AP4M1: variants seen among roughly 807,000 people sequenced by gnomAD.
The protein encoded by AP4M1 is adaptor related protein complex 4 subunit mu 1.
In AP4M1, 58 loss-of-function variants were observed where a neutral mutation model predicts 62.4. That is an observed-to-expected ratio of 0.93 (90% confidence interval 0.75 to 1.16). The LOEUF (loss-of-function observed/expected upper bound fraction) is 1.16. Ranked by LOEUF, AP4M1 falls within the 50% of genes most tolerant of loss-of-function variation. The pLI is 0.00. For synonymous variants in AP4M1, 290 were observed against 239.7 expected (o/e 1.21, Z -1.94); for missense variants, 626 against 585.4 (o/e 1.07, Z -0.72).
rs1470323656 is a variant in AP4M1 at position 100,108,114 on chromosome 7, T to C, written c.*1232T>C. On this transcript the variant is annotated 3_prime_UTR_variant, in exon 15 of 15. Transcript: ENST00000359593. ...TGTGGGGCCTGCGAGAGGGTCAGCG[T>C]GGGCCGGGGCTGCGGGGAGAAGAGG... The C allele has an allele frequency of 1.2e-6, 2 of 1,601,256 alleles. No homozygotes were observed.
chr7:100,103,570 G>A (rs1442622480), intron 5 of AP4M1, 42 bp from the exon 6 acceptor site: 1 of 1,613,948 alleles, frequency 6.2e-7, no homozygotes, highest in Non-Finnish European at 8.5e-7. Flanking sequence ...GGTTGGCTGG[G>A]GTTGTCAGAC....
chr7:100,107,618 C>T lies in AP4M1; in HGVS notation c.*736C>T. ...AGCCGGGGGCCGAGGTGCTGAGGGA[C>T]AGGACCTGGATAGAAAGGAAAGGCA... On this transcript the variant is annotated 3_prime_UTR_variant, in exon 15 of 15. Transcript: ENST00000359593. 6.2e-7 allele frequency: 1 copy of T among 1,612,626 alleles called. No individual in the cohort carries two copies. The highest frequency in any genetic ancestry group is 8.5e-7 in the Non-Finnish European group (1 of 1,179,622).
chr7:100,101,151 C>T (rs1043239866), upstream of AP4M1: 2 of 1,356,614 alleles, frequency 1.5e-6, no homozygotes, highest in South Asian at 1.2e-5. Flanking sequence ...CCTCTGGCCT[C>T]GCGCACCCCA....
Position 100,106,005 on chromosome 7 carries a change from T to C in AP4M1, c.974+2T>C. 1 of 1,613,924 alleles carries C rather than the reference T, an allele frequency of 6.2e-7. No homozygotes were observed. Among genetic ancestry groups the C allele is most frequent in the Non-Finnish European group, 8.5e-7 (1 of 1,179,986 alleles). On this transcript the variant is annotated splice_donor_variant, in intron 12 of 14. Transcript: ENST00000359593. LOFTEE classifies it high-confidence loss of function. ...GCGATGTGACCTGCTCTCAAAGAGG[T>C]AAGAGTGAGGCTGGCCTGGCTGAGT...
Position 100,108,332 on chromosome 7 carries a change from TTCCTCCTATTCC to T in AP4M1, c.*1457_*1468del. On this transcript the variant is annotated 3_prime_UTR_variant, in exon 15 of 15. Transcript: ENST00000359593. ...GTCCCACACAGGGGTTCTCCTCTGC[TTCCTCCTATTCC>T]TCCTCCCCACCCGGCCACGGACCTG... The T allele has an allele frequency of 2.5e-6, 4 of 1,572,398 alleles. No individual in the cohort carries two copies. The South Asian group carries it at 4.6e-5, about 18-fold the overall frequency.
rs2116709905 is a variant in AP4M1, at chr7:100,108,255, G to A, written c.*1373G>A. ...GCTGGGGCATCCTCACTCAGGGCCT[G>A]GTTGCCCTGAGACTACTGACTGAGG... On this transcript the variant is annotated 3_prime_UTR_variant, in exon 15 of 15. Transcript: ENST00000359593. 6.9e-7 allele frequency: 1 copy of A among 1,455,990 alleles called. No individual in the cohort carries two copies. The highest frequency in any genetic ancestry group is 9.1e-7 in the Non-Finnish European group (1 of 1,095,342). The allele number at this position is 1,455,990 out of a possible 1,614,324, so 90.2% of individuals were successfully genotyped here. A position where few individuals can be genotyped will look rare whatever the true frequency, so the allele number is the denominator to read the frequency against.
intron 7 of AP4M1, 87 bp downstream of exon 7, chr7:100,104,241 G>C: frequency 1.8e-6 from 2 of 1,121,938 alleles, no homozygotes; most frequent in Non-Finnish European, 2.7e-6. Context: ...GCAACGGCCG[G>C]GCACAGTGGC....
chr7:100,103,830 C>A, intron 6 of AP4M1, 138 bp downstream of exon 6: 1 of 911,972 alleles, frequency 1.1e-6, no homozygotes, highest in Non-Finnish European at 1.7e-6. Context: ...TCACCTGATG[C>A]CAGGAGTTTC....
chr7:100,106,167 TTA>T, intron 12 of AP4M1, 72 bp from the exon 13 acceptor site: 1 of 1,584,712 alleles, frequency 6.3e-7, no homozygotes, highest in Non-Finnish European at 8.7e-7. Context: ...TGAAATCCTG[TTA>T]TGACATTGAA....
Position 100,106,963 on chromosome 7 carries a change from C to T in AP4M1, c.*81C>T. On this transcript the variant is annotated 3_prime_UTR_variant, in exon 15 of 15. Coordinates refer to ENST00000359593, the MANE Select transcript of AP4M1 (RefSeq NM_004722.4). ...AGTCGTTTCTTTTCCAGCCTCCTGG[C>T]CTTCGGACTCTGAATCTGGGCAGGA... is the stretch of plus-strand genomic sequence containing the variant. 3.4e-6 allele frequency: 5 copies of T among 1,465,704 alleles called. No individual in the cohort carries two copies. The highest frequency in any genetic ancestry group is 4.6e-6 in the Non-Finnish European group (5 of 1,080,142). The allele number at this position is 1,465,704 out of a possible 1,614,324, so 90.8% of individuals were successfully genotyped here. A position where few individuals can be genotyped will look rare whatever the true frequency, so the allele number is the denominator to read the frequency against.
intron 4 of AP4M1, 77 bp downstream of exon 4, chr7:100,103,037 C>A: frequency 8.7e-7 from 1 of 1,154,818 alleles, no homozygotes; most frequent in Non-Finnish European, 1.3e-6. Flanking sequence ...CTGTGGGATG[C>A]CGTGGTTAGG....
At chr7:100,101,616 C>T (rs1039086320), upstream of AP4M1, 3 of 1,274,326 alleles carry the variant, frequency 2.4e-6, no homozygotes, top group Non-Finnish European at 3.4e-6. Flanking sequence ...AGGAGAATCG[C>T]TCTTAAAGGG....
rs751121816 is a variant in AP4M1, at chr7:100,101,679, C to T, written c.-36C>T. On this transcript the variant is annotated 5_prime_UTR_variant, in exon 1 of 15. Coordinates refer to ENST00000359593, the MANE Select transcript of AP4M1 (RefSeq NM_004722.4). ...GGGCCGCAGGGCGGGGCAGGCCCGA[C>T]TTTCGCCGTCTTCTTGTCTACTCTC... 1 of 1,599,242 alleles carries T rather than the reference C, an allele frequency of 6.3e-7. No individual in the cohort carries two copies. Among genetic ancestry groups the T allele is most frequent in the East Asian group, 2.2e-5 (1 of 44,804 alleles).
intron 12 of AP4M1, 66 bp downstream of exon 12, chr7:100,106,069 C>T: frequency 6.3e-7 from 1 of 1,587,080 alleles, no homozygotes; most frequent in Non-Finnish European, 8.7e-7. Flanking sequence ...AGGGCACCTG[C>T]TGCTTCTCCC....
At position 100,101,957 on chromosome 7, in the gene AP4M1, C is replaced by G. The variant is rs757747386; in HGVS notation, c.136C>G (p.Pro46Ala). The G allele has an allele frequency of 8.1e-5, 131 of 1,613,136 alleles. No individual in the cohort carries two copies. Among genetic ancestry groups the G allele is most frequent in the Non-Finnish European group, 1.0e-4 (122 of 1,179,960 alleles). ...GACGGGACTGCCAGGAGACGAGTCC[C>G]CGGTTGTCATGGTAACCAGTGGCGG... The part of the protein sequence containing the change: ...KLTGLPGDES[P>A]VVMHHHGRHF... The change falls in exon 2 of 15, where the codon CCG (proline) becomes GCG (alanine). Residue 46 changes from proline to alanine, a missense_variant. Coordinates refer to ENST00000359593, the MANE Select transcript of AP4M1 (RefSeq NM_004722.4).
Position 100,107,743 on chromosome 7 carries a change from A to AACTC in AP4M1, c.*861_*862insACTC. On this transcript the variant is annotated 3_prime_UTR_variant, in exon 15 of 15. Coordinates refer to ENST00000359593, the MANE Select transcript of AP4M1 (RefSeq NM_004722.4). ...GTTGTTCCTGTAGTTCACCCTGTAG[A>AACTC]CAGCTATGGCTGGAGACCTTGTTCA... The AACTC allele has an allele frequency of 6.8e-7, 1 of 1,461,670 alleles. No homozygotes were observed. The highest frequency in any genetic ancestry group is 2.5e-5 in the Admixed American group (1 of 39,316). 90.5% of individuals were successfully genotyped at this position (1,461,670 alleles called of 1,614,324 possible).
rs1161435126 is a variant in AP4M1, at chr7:100,102,793, T to G, written c.254+12T>G. 1 of 1,613,326 alleles carries G rather than the reference T, an allele frequency of 6.2e-7. No homozygotes were observed. Among genetic ancestry groups the G allele is most frequent in the Non-Finnish European group, 8.5e-7 (1 of 1,179,288 alleles). On this transcript the variant is annotated intron_variant, in intron 3 of 14. Coordinates refer to ENST00000359593, the MANE Select transcript of AP4M1 (RefSeq NM_004722.4). ...GAACTGCTCTCCAGGTGAGGAGGGT[T>G]GGGCTGGGCACCTGGTAGCTAGGAG...
intron 2 of AP4M1, chr7:100,102,340 G>T (rs1221948133): frequency 3.9e-6 from 2 of 509,098 alleles, no homozygotes; most frequent in South Asian, 4.0e-5. Context: ...GCAGTGAGCC[G>T]AGATCCGGAC....
rs200567804 is a variant in AP4M1 at position 100,101,967 on chromosome 7, T to A, written c.146T>A (p.Met49Lys). 15 of 1,612,946 alleles carry A rather than the reference T, an allele frequency of 9.3e-6. No individual in the cohort carries two copies. Among genetic ancestry groups the A allele is most frequent in the Non-Finnish European group, 1.2e-5 (14 of 1,179,922 alleles). Residue 49 changes from methionine to lysine, a missense_variant and splice_region_variant, in exon 2 of 15, where the codon ATG (methionine) becomes AAG (lysine). Coordinates refer to ENST00000359593, the MANE Select transcript of AP4M1 (RefSeq NM_004722.4). ...CCAGGAGACGAGTCCCCGGTTGTCATGGTAACCAGTGGCGGGAGGCGGGTG... is the reference window on the plus strand; with the variant it reads ...CCAGGAGACGAGTCCCCGGTTGTCAAGGTAACCAGTGGCGGGAGGCGGGTG... ...GLPGDESPVVMHHHGRHFIHI... is the reference protein window; with the variant it reads ...GLPGDESPVVKHHHGRHFIHI...
Sources: gnomAD v4.1 joint callset for allele counts on GRCh38, gnomAD v4.1.1 for gene constraint, MANE v1.5 for transcripts, NCBI Gene and HGNC (gene_info 2026-07-23, HGNC 2026-07-21) for gene names.